The following AMMECR1 variants were observed in gnomAD, a reference collection of about 807,000 sequenced individuals.
AMMECR1 encodes AMMECR nuclear protein 1.
In AMMECR1, 3 loss-of-function variants were observed where a neutral mutation model predicts 22.5. That is an observed-to-expected ratio of 0.13 (90% CI 0.06 to 0.35). AMMECR1 has a LOEUF of 0.35. Among genes scored for constraint, AMMECR1 ranks in the 10% least tolerant of loss-of-function variants. The pLI is 1.00. For synonymous variants in AMMECR1, 130 were observed against 116.7 expected (o/e 1.11, Z -0.74); for missense variants, 235 against 278.7 (o/e 0.84, Z 1.12).
chrX:110,405,095 C>A (rs569106423), intron 2 of AMMECR1, among the ~76,000 whole-genome samples: 3 of 100,531 alleles, frequency 3.0e-5, no homozygotes, highest in Non-Finnish European at 4.1e-5. Context: ...GTGTCCCCCC[C>A]CCCCCCAAGC....
chrX:110,304,364 A>C (rs2067983222), intron 1 of AMMECR1, among the ~76,000 whole-genome samples: 1 of 112,381 alleles, frequency 8.9e-6, no homozygotes, highest in Non-Finnish European at 1.9e-5. Flanking sequence ...CTTTAGGAGG[A>C]AAGAAAGTGA....
intron 2 of AMMECR1, among the ~76,000 whole-genome samples, chrX:110,238,057 C>T (rs750177945): frequency 1.1e-4 from 12 of 111,836 alleles, no homozygotes; most frequent in African/African-American, 3.9e-4. Flanking sequence ...GGCACTGTAA[C>T]ATCATAATTA....
intron 2 of AMMECR1, among the ~76,000 whole-genome samples, chrX:110,361,513 A>G (rs1196408009): frequency 9.0e-6 from 1 of 110,867 alleles, no homozygotes; most frequent in African/African-American, 3.3e-5. Flanking sequence ...AACTCCTCCA[A>G]TGGCTTCCCA....
At chrX:110,274,320 G>A (rs1024813602) in intron 1 of AMMECR1, among the ~76,000 whole-genome samples, 2 of 111,896 alleles carry the variant, frequency 1.8e-5, no homozygotes, top group African/African-American at 3.2e-5. Context: ...TTGTCTACTT[G>A]TTCTATCAAT....
At chrX:110,216,319 A>G (rs2067473255) in intron 3 of AMMECR1, among the ~76,000 whole-genome samples, 199 bp downstream of exon 3, 1 of 111,889 alleles carries the variant, frequency 8.9e-6, no homozygotes, top group African/African-American at 3.2e-5. Flanking sequence ...TTTGGGGATT[A>G]TAACAACACG....
intron 2 of AMMECR1, among the ~76,000 whole-genome samples, chrX:110,344,095 A>G (rs1037492738): frequency 3.6e-5 from 4 of 111,582 alleles, no homozygotes; most frequent in Non-Finnish European, 7.5e-5. Flanking sequence ...TTCAAACTAT[A>G]CTACAAGGCT....
chrX:110,202,161 G>C (rs998046253), intron 4 of AMMECR1, among the ~76,000 whole-genome samples: 1 of 111,841 alleles, frequency 8.9e-6, no homozygotes, highest in Non-Finnish European at 1.9e-5. Flanking sequence ...ATTTCAAATC[G>C]GTAGCAAATT....
At chrX:110,262,139 G>T (rs1033371750) in intron 2 of AMMECR1, among the ~76,000 whole-genome samples, 3 of 111,820 alleles carry the variant, frequency 2.7e-5, no homozygotes, top group Non-Finnish European at 5.7e-5. Context: ...TTTTAAAAAT[G>T]ACTCCTTACA....
At chrX:110,239,181 AAAC>A (rs1438377689) in intron 2 of AMMECR1, among the ~76,000 whole-genome samples, 1 of 111,695 alleles carries the variant, frequency 9.0e-6, no homozygotes. Context: ...CAAGGGAACA[AAAC>A]AACAGAGAAT....
chrX:110,231,297 C>T (rs777863298), intron 2 of AMMECR1, among the ~76,000 whole-genome samples: 26 of 111,724 alleles, frequency 2.3e-4, no homozygotes, highest in Non-Finnish European at 3.8e-4. Flanking sequence ...CAGTTACCCA[C>T]AAAGGGAACA....
chrX:110,232,704 C>A (rs1556035402), intron 2 of AMMECR1, among the ~76,000 whole-genome samples: 1 of 108,900 alleles, frequency 9.2e-6, no homozygotes, highest in African/African-American at 3.4e-5. Context: ...TCCCGGCTAA[C>A]ACGGTGAAAC....
Position 110,317,670 on chromosome X carries a change from G to A in AMMECR1, c.402C>T (p.Cys134=), listed in dbSNP as rs977896524. 3 of 1,209,275 alleles carry A rather than the reference G, an allele frequency of 2.5e-6. No individual in the cohort carries two copies. The highest frequency in any genetic ancestry group is 3.4e-6 in the Non-Finnish European group (3 of 894,227). The change falls in exon 1 of 6, where the codon TGC becomes TGT. Residue 134 remains cysteine (C), a synonymous_variant. Coordinates refer to ENST00000262844, the MANE Select transcript of AMMECR1 (RefSeq NM_015365.3). ...ACAGGTGACAGTAGAGCACATCGAA[G>A]CAAAAGCAGCACATCTCTGCTGACA... ...MVVSAEMCCF[C]FDVLYCHLYG...
upstream of AMMECR1, chrX:110,318,127 G>A (rs772230288): frequency 5.8e-6 from 6 of 1,043,147 alleles, no homozygotes; most frequent in South Asian, 1.8e-4. Context: ...GCGAGCTGGC[G>A]GCGGGGGCGA....
chrX:110,398,487 T>C (rs189026571), intron 2 of AMMECR1, among the ~76,000 whole-genome samples: 10 of 112,474 alleles, frequency 8.9e-5, no homozygotes, highest in African/African-American at 3.2e-4. Context: ...GTACAGAGAA[T>C]CCCTATGCAT....
intron 2 of AMMECR1, among the ~76,000 whole-genome samples, chrX:110,388,355 G>C (rs2068472305): frequency 9.0e-6 from 1 of 111,710 alleles, no homozygotes; most frequent in Non-Finnish European, 1.9e-5. Context: ...ACCTGGGTGT[G>C]TTAAAATGTG....
At chrX:110,264,945 T>C (rs1320565550) in intron 1 of AMMECR1, among the ~76,000 whole-genome samples, 1 of 111,846 alleles carries the variant, frequency 8.9e-6, no homozygotes, top group Non-Finnish European at 1.9e-5. Flanking sequence ...CACTCAAACC[T>C]GGGCAATCTT....
At chrX:110,364,081 G>T (rs1196777446) in intron 2 of AMMECR1, among the ~76,000 whole-genome samples, 1 of 111,249 alleles carries the variant, frequency 9.0e-6, no homozygotes, top group Non-Finnish European at 1.9e-5. Flanking sequence ...TGTTGGCAGG[G>T]CCATGCTCCC....
chrX:110,417,148 A>G (rs1207561157), intron 2 of AMMECR1, among the ~76,000 whole-genome samples: 1 of 112,055 alleles, frequency 8.9e-6, no homozygotes, highest in Non-Finnish European at 1.9e-5. Context: ...ACCTAGTGCC[A>G]TCTATCCTTA....
intron 1 of AMMECR1, among the ~76,000 whole-genome samples, chrX:110,265,588 T>C (rs2067764491): frequency 8.9e-6 from 1 of 111,824 alleles, no homozygotes; most frequent in Non-Finnish European, 1.9e-5. Flanking sequence ...TTAGAGCAAC[T>C]TTGTATGCCA....
Sources: gnomAD v4.1 joint callset for allele counts (sites outside exome capture counted in the v4.1 genomes callset) on GRCh38, gnomAD v4.1.1 for gene constraint, MANE v1.5 for transcripts, NCBI Gene and HGNC (gene_info 2026-07-23, HGNC 2026-07-21) for gene names.